Variants in AP5Z1 observed in about 807,000 individuals in gnomAD.
AP5Z1 encodes AP-5 complex subunit zeta-1.
AP5Z1 carries 106 observed loss-of-function variants against 83.0 expected under a neutral mutation model. The ratio of observed to expected loss-of-function variants is 1.28; its 90% CI spans 1.09 to 1.50. The LOEUF is 1.50. Among genes scored for constraint, AP5Z1 ranks in the 40% most tolerant of loss-of-function variants. The probability of loss-of-function intolerance (pLI) is 0.00; values close to 1 mark genes in which losing one functional copy is unlikely to be tolerated. For synonymous variants in AP5Z1, 751 were observed against 514.1 expected, an observed-to-expected ratio of 1.46 and a Z score of -6.23; for missense variants, 1,565 against 1,094.2, an observed-to-expected ratio of 1.43 and a Z score of -6.07.
chr7:4,783,545 G>C, intron 4 of AP5Z1, 85 bp downstream of exon 4: 1 of 1,560,514 alleles, frequency 6.4e-7, no homozygotes. Context: ...TGGGAGTGTG[G>C]GGGGCAGGTG....
intron 5 of AP5Z1, 109 bp downstream of exon 5, chr7:4,783,907 A>T: frequency 8.3e-7 from 1 of 1,198,140 alleles, no homozygotes; most frequent in Non-Finnish European, 1.2e-6. Context: ...CGCGGGGTCC[A>T]GGACGAGCCT....
intron 5 of AP5Z1, 124 bp from the exon 6 acceptor site, chr7:4,784,079 C>T (rs942698385): frequency 2.2e-5 from 27 of 1,203,220 alleles, no homozygotes; most frequent in African/African-American, 1.7e-4. Flanking sequence ...TCACACAGGG[C>T]GGGCCGCTGC....
chr7:4,788,463 G>T, intron 12 of AP5Z1, 169 bp downstream of exon 12: 1 of 858,196 alleles, frequency 1.2e-6, no homozygotes, highest in Non-Finnish European at 1.7e-6. Context: ...TGCACCACGG[G>T]TCTGCCGGGG....
At chr7:4,786,720 T>A (rs1781557036) in intron 10 of AP5Z1, among the ~76,000 whole-genome samples, 1 of 151,758 alleles carries the variant, frequency 6.6e-6, no homozygotes, top group Admixed American at 6.6e-5. Context: ...CCTGGTAGGA[T>A]CCCTCCCCCG....
chr7:4,786,881 C>T (rs1445364562), intron 10 of AP5Z1, among the ~76,000 whole-genome samples: 1 of 152,128 alleles, frequency 6.6e-6, no homozygotes, highest in African/African-American at 2.4e-5. Context: ...AGCGATTCTC[C>T]TGCGTCAGCC....
intron 1 of AP5Z1, among the ~76,000 whole-genome samples, 172 bp from the exon 2 acceptor site, chr7:4,781,003 A>G (rs556738098): frequency 2.6e-5 from 4 of 152,336 alleles, no homozygotes; most frequent in Middle Eastern, 3.4e-3. Flanking sequence ...GAGAGGAACC[A>G]GCTCAGGGAA....
rs1341463491 is a variant in AP5Z1, at chr7:4,788,956, G to A, written c.1707+5G>A. On this transcript the variant is annotated splice_donor_5th_base_variant and intron_variant, in intron 13 of 16. Transcript: ENST00000649063. ...TTCTTCTCAGCAGTGACCCAGGTGA[G>A]CTCGCTGCCTGGGGCCCCCCATTCC... The A allele has an allele frequency of 1.9e-6, 3 of 1,608,984 alleles. No homozygotes were observed. The highest frequency in any genetic ancestry group is 2.2e-5 in the South Asian group (2 of 90,582).
chr7:4,781,275 C>T lies in AP5Z1; in HGVS notation c.142C>T (p.Leu48Phe). The T allele has an allele frequency of 6.2e-7, 1 of 1,613,768 alleles. No individual in the cohort carries two copies. Among genetic ancestry groups the T allele is most frequent in the African/African-American group, 1.3e-5 (1 of 75,052 alleles). The change falls in exon 2 of 17, where the codon CTC becomes TTC. Residue 48 changes from leucine (L) to phenylalanine (F), a missense_variant. By Grantham distance (22) the Leu-to-Phe change is conservative. Transcript: ENST00000649063. ...GPDTLDSLQR[L>F]FLIISATKYS... ...GGACACCCTCGACTCCCTGCAGAGG[C>T]TCTTCCTCATCATCTCAGCCACGAA...
chr7:4,785,304 C>G, intron 7 of AP5Z1, 111 bp from the exon 8 acceptor site: 1 of 1,433,482 alleles, frequency 7.0e-7, no homozygotes, highest in African/African-American at 1.4e-5. Context: ...GGGGGCCTGT[C>G]CCACCCCCCT....
rs368559995 is a variant in AP5Z1, at chr7:4,785,586, G to T, written c.1034G>T (p.Arg345Leu). The change falls in exon 9 of 17, where the codon CGA becomes CTA. Residue 345 changes from arginine to leucine, a missense_variant. By Grantham distance (102) the Arg-to-Leu change is moderately radical. Coordinates refer to ENST00000649063, the MANE Select transcript of AP5Z1 (RefSeq NM_014855.3). ...LCRQDPSFLY[R>L]SLSCLKALHG... ...CGGCAGGACCCGTCCTTCCTGTACC[G>T]AAGTCTCTCCTGCCTGAAGGCCCTG... 2 of 1,604,154 alleles carry T rather than the reference G, an allele frequency of 1.2e-6. No individual in the cohort carries two copies. Among genetic ancestry groups the T allele is most frequent in the Admixed American group, 3.4e-5 (2 of 58,816 alleles).
chr7:4,790,067 C>G (rs1315929073), intron 14 of AP5Z1, 138 bp downstream of exon 14: 2 of 1,223,960 alleles, frequency 1.6e-6, no homozygotes, highest in African/African-American at 1.7e-5. Flanking sequence ...CCCTGCCACC[C>G]CCACCCACAG....
In AP5Z1 at chr7:4,783,344, T is replaced by C; in HGVS notation, c.395T>C (p.Val132Ala). ...QGDRNEEVRA[V>A]GQGVLRALES... ...GACAGAAACGAGGAGGTCAGAGCCG[T>C]GGGCCAGGGCGTGCTACGAGCGCTG... Residue 132 changes from valine to alanine, a missense_variant, in exon 4 of 17, where the codon GTG becomes GCG. Val to Ala is a moderately conservative substitution (Grantham distance 64). Transcript: ENST00000649063. The C allele has an allele frequency of 6.2e-7, 1 of 1,612,702 alleles. No individual in the cohort carries two copies. The highest frequency in any genetic ancestry group is 1.1e-5 in the South Asian group (1 of 90,976).
Position 4,783,348 on chromosome 7 carries a change from C to T in AP5Z1, c.399C>T (p.Gly133=), listed in dbSNP as rs1463490657. 1.4e-5 allele frequency: 22 copies of T among 1,612,606 alleles called. No individual in the cohort carries two copies. Among genetic ancestry groups the T allele is most frequent in the Non-Finnish European group, 1.8e-5 (21 of 1,179,598 alleles). Residue 133 remains glycine (G), a synonymous_variant, in exon 4 of 17, where the codon GGC becomes GGT. Transcript: ENST00000649063. ...GAAACGAGGAGGTCAGAGCCGTGGGCCAGGGCGTGCTACGAGCGCTGGAGA... is the reference window on the plus strand; with the variant it reads ...GAAACGAGGAGGTCAGAGCCGTGGGTCAGGGCGTGCTACGAGCGCTGGAGA... ...GDRNEEVRAV[G]QGVLRALESR... is the part of the protein sequence containing the mutation.
At chr7:4,779,464 A>G (rs1459655315) in intron 1 of AP5Z1, among the ~76,000 whole-genome samples, 1 of 146,348 alleles carries the variant, frequency 6.8e-6, no homozygotes, top group Non-Finnish European at 1.5e-5. Context: ...TAACATATAT[A>G]TTATATTATA....
chr7:4,784,413 TG>T, intron 6 of AP5Z1, 42 bp downstream of exon 6: 1 of 850,336 alleles, frequency 1.2e-6, no homozygotes, highest in Non-Finnish European at 1.7e-6. Context: ...GGGTGGGAGG[TG>T]GGCGCACTAT....
intron 11 of AP5Z1, 74 bp downstream of exon 11, chr7:4,787,850 G>T: frequency 6.9e-7 from 1 of 1,459,598 alleles, no homozygotes; most frequent in Non-Finnish European, 9.1e-7. Context: ...CCTCCTCGCT[G>T]CTCCTGACCC....
rs757114660 is a variant in AP5Z1, at chr7:4,781,339, C to G, written c.179+27C>G. On this transcript the variant is annotated intron_variant, in intron 2 of 16. Coordinates refer to ENST00000649063, the MANE Select transcript of AP5Z1 (RefSeq NM_014855.3). Reference sequence around the variant, plus strand: ...TGAGTGTGGCGACGGCTCAGGCCGGCTCCTCACACAGCGGCCCCAGGAGAA... The same window carrying G: ...TGAGTGTGGCGACGGCTCAGGCCGGGTCCTCACACAGCGGCCCCAGGAGAA... The G allele has an allele frequency of 1.7e-5, 27 of 1,611,212 alleles. No homozygotes were observed. In the East Asian group the frequency reaches 6.0e-4, roughly 36 times the overall value.
chr7:4,787,844 C>T (rs1206796306), intron 11 of AP5Z1, 68 bp downstream of exon 11: 6 of 1,472,410 alleles, frequency 4.1e-6, no homozygotes, highest in Admixed American at 4.2e-5. Flanking sequence ...GGGCCCCCTC[C>T]TCGCTGCTCC....
intron 12 of AP5Z1, 78 bp downstream of exon 12, chr7:4,788,372 C>T: frequency 2.1e-6 from 3 of 1,445,930 alleles, no homozygotes; most frequent in African/African-American, 1.4e-5. Context: ...GCTCACTGCT[C>T]AGCCCTAGGC....
Sources: gnomAD v4.1 joint callset for allele counts (sites outside exome capture counted in the v4.1 genomes callset) on GRCh38, gnomAD v4.1.1 for gene constraint, MANE v1.5 for transcripts, NCBI Gene and HGNC (gene_info 2026-07-23, HGNC 2026-07-21) for gene names.